Variants in PDCD6IP observed in about 807,000 individuals in gnomAD.
PDCD6IP encodes the protein programmed cell death 6-interacting protein.
PDCD6IP carries 43 observed loss-of-function variants against 103.7 expected under a neutral mutation model. The observed-to-expected ratio is 0.41, with a 90% CI of 0.32 to 0.53. The LOEUF (loss-of-function observed/expected upper bound fraction) is 0.53, where lower values mean the gene tolerates loss of function less well. Ranked by LOEUF, PDCD6IP falls within the 20% of genes least tolerant of loss-of-function variation. The pLI, the probability that PDCD6IP is intolerant of heterozygous loss-of-function variation, is 0.16. For synonymous variants in PDCD6IP, 354 were observed against 378.7 expected (o/e 0.93, Z 0.76); for missense variants, 871 against 1,036.7 (o/e 0.84, Z 2.20).
chr3:33,849,357 T>G (rs986859283), intron 12 of PDCD6IP, among the ~76,000 whole-genome samples: 1 of 152,254 alleles, frequency 6.6e-6, no homozygotes, highest in African/African-American at 2.4e-5. Context: ...TAGTCTTAGA[T>G]GTCACCTCTT....
In PDCD6IP at chr3:33,855,198, G is replaced by A; in HGVS notation, c.2058G>A (p.Arg686=). Residue 686 remains arginine (R), a synonymous_variant, in exon 15 of 18, where the codon AGG becomes AGA. Coordinates refer to ENST00000307296, the MANE Select transcript of PDCD6IP (RefSeq NM_013374.6). ...ATGAGTTGACTGAAATCCTGGTCAG[G>A]TTCCAGAACAAATGCAGTGATATAG... ...FYNELTEILV[R]FQNKCSDIVF... 6.2e-7 allele frequency: 1 copy of A among 1,611,024 alleles called. No homozygotes were observed. The highest frequency in any genetic ancestry group is 8.5e-7 in the Non-Finnish European group (1 of 1,177,370).
intron 12 of PDCD6IP, among the ~76,000 whole-genome samples, chr3:33,848,039 G>C (rs955329531): frequency 6.6e-6 from 1 of 151,924 alleles, no homozygotes; most frequent in Admixed American, 6.6e-5. Context: ...GTTTAAAACT[G>C]TGTGCCCTCC....
intron 3 of PDCD6IP, among the ~76,000 whole-genome samples, chr3:33,819,214 A>G (rs952014437): frequency 2.6e-5 from 4 of 151,708 alleles, no homozygotes; most frequent in African/African-American, 9.7e-5. Flanking sequence ...TTGAAAAAAA[A>G]TTTTTTTTCC....
At chr3:33,837,976 A>C (rs1222986501) in intron 8 of PDCD6IP, among the ~76,000 whole-genome samples, 2 of 152,200 alleles carry the variant, frequency 1.3e-5, no homozygotes, top group Non-Finnish European at 2.9e-5. Flanking sequence ...AAGAAAATTA[A>C]GTTCAAAGAA....
chr3:33,833,416 C>T (rs1697282642), intron 7 of PDCD6IP, among the ~76,000 whole-genome samples: 1 of 152,034 alleles, frequency 6.6e-6, no homozygotes, highest in African/African-American at 2.4e-5. Flanking sequence ...TTGTTTTCTT[C>T]ACTTTTTCTT....
intron 5 of PDCD6IP, among the ~76,000 whole-genome samples, chr3:33,825,562 T>C (rs1189289944): frequency 3.9e-5 from 6 of 152,226 alleles, no homozygotes; most frequent in African/African-American, 1.4e-4. Flanking sequence ...CTTTAGTAAT[T>C]GTCTTTAAAC....
intron 1 of PDCD6IP, among the ~76,000 whole-genome samples, chr3:33,805,561 G>A (rs573899721): frequency 2.0e-5 from 3 of 151,330 alleles, no homozygotes; most frequent in African/African-American, 7.3e-5. Context: ...CCTCCCAAGT[G>A]GGTGCATACT....
intron 7 of PDCD6IP, among the ~76,000 whole-genome samples, chr3:33,833,748 G>A (rs1697288877): frequency 6.6e-6 from 1 of 152,080 alleles, no homozygotes; most frequent in African/African-American, 2.4e-5. Context: ...TATACTGCTT[G>A]TTTTCAGTTT....
chr3:33,842,724 T>TA (rs1227402723), intron 10 of PDCD6IP, among the ~76,000 whole-genome samples: 1 of 152,228 alleles, frequency 6.6e-6, no homozygotes, highest in Non-Finnish European at 1.5e-5. Context: ...CCCTGAAAGT[T>TA]AAAATCTTAT....
intron 3 of PDCD6IP, among the ~76,000 whole-genome samples, chr3:33,814,252 C>T (rs1696782411): frequency 6.7e-6 from 1 of 150,314 alleles, no homozygotes; most frequent in Non-Finnish European, 1.5e-5. Flanking sequence ...TCAAGTGATT[C>T]TCCTATTCTT....
At position 33,815,859 on chromosome 3, in the gene PDCD6IP, G is replaced by A. The variant is rs189444085; in HGVS notation, c.334+2231G>A. On this transcript the variant is annotated intron_variant, in intron 3 of 17. Coordinates refer to ENST00000307296, the MANE Select transcript of PDCD6IP (RefSeq NM_013374.6). ...GCTCAGAAGAGAAAGATATACATTCGGGAACAATTATTAGGTGATAATAAA... is the reference window on the plus strand; with the variant it reads ...GCTCAGAAGAGAAAGATATACATTCAGGAACAATTATTAGGTGATAATAAA... 3.6e-4 allele frequency among the ~76,000 whole-genome samples: 55 copies of A among 152,186 alleles called. 1 individual carries two copies. The highest frequency in any genetic ancestry group is 3.4e-3 in the Middle Eastern group (1 of 292).
chr3:33,858,808 TCAAAAA>T lies in PDCD6IP; in HGVS notation c.2120+3560_2120+3565del, dbSNP rs1201335438. Reference sequence around the variant, plus strand: ...CTGGGCAACAGAGTGAGACTCTGTCTCAAAAACAAAAACAAAACAAAACAAAAGAAA... The same window carrying T: ...CTGGGCAACAGAGTGAGACTCTGTCTCAAAAACAAAACAAAACAAAAGAAA... On this transcript the variant is annotated intron_variant, in intron 15 of 17. Transcript: ENST00000307296. Among the ~76,000 whole-genome samples the T allele has an allele frequency of 4.6e-5, 7 of 152,244 alleles. No homozygotes were observed. In the East Asian group the frequency reaches 1.4e-3, roughly 29 times the overall value.
In PDCD6IP at chr3:33,805,974, T is replaced by TGTCTC. The variant is rs1280407728; in HGVS notation, c.210-6097_210-6096insTCTCG. Among the ~76,000 whole-genome samples the TGTCTC allele has an allele frequency of 5.9e-5, 9 of 151,784 alleles. No individual in the cohort carries two copies. In the East Asian group the frequency reaches 1.8e-3, roughly 30 times the overall value. The stretch of plus-strand genomic sequence containing the variant: ...GTTAGCCAGGATGGTGTCGATCTCC[T>TGTCTC]GACCTTGTGATCCGCCTGTCTCGAC... On this transcript the variant is annotated intron_variant, in intron 1 of 17. Transcript: ENST00000307296.
At chr3:33,811,942 C>CT (rs34438974) in intron 1 of PDCD6IP, 130 bp from the exon 2 acceptor site, 47 of 1,286,628 alleles carry the variant, frequency 3.7e-5, no homozygotes, top group Non-Finnish European at 4.5e-5. Flanking sequence ...TATTAAAAAA[C>CT]TTTTTTTCAT....
intron 1 of PDCD6IP, among the ~76,000 whole-genome samples, chr3:33,800,912 C>T (rs995289859): frequency 6.6e-6 from 1 of 152,164 alleles, no homozygotes; most frequent in Non-Finnish European, 1.5e-5. Flanking sequence ...CTCCTGTCAA[C>T]TTTAAAACTT....
Position 33,834,594 on chromosome 3 carries a change from G to A in PDCD6IP, c.835-1450G>A, listed in dbSNP as rs557709002. The stretch of plus-strand genomic sequence containing the variant: ...TAAGGAACTATAATTTCTATTTTAC[G>A]AAGATTTTAAAAAATCAAGAATATT... On this transcript the variant is annotated intron_variant, in intron 7 of 17. Coordinates refer to ENST00000307296, the MANE Select transcript of PDCD6IP (RefSeq NM_013374.6). Among the ~76,000 whole-genome samples the A allele has an allele frequency of 1.3e-3, 200 of 152,146 alleles. 1 individual carries two copies. The highest frequency in any genetic ancestry group is 3.3e-3 in the Admixed American group (51 of 15,278).
chr3:33,841,835 A>T (rs1697481957), intron 9 of PDCD6IP, 62 bp from the exon 10 acceptor site: 2 of 1,031,710 alleles, frequency 1.9e-6, no homozygotes, highest in African/African-American at 3.2e-5. Flanking sequence ...AAATAAAGTA[A>T]GTATTGATGA....
intron 1 of PDCD6IP, among the ~76,000 whole-genome samples, chr3:33,803,088 G>A (rs1344558195): frequency 3.9e-5 from 6 of 152,006 alleles, no homozygotes; most frequent in East Asian, 1.9e-4. Context: ...GTCATTTCCC[G>A]TTCTTTTTGT....
At chr3:33,835,072 A>G (rs1392537446) in intron 7 of PDCD6IP, among the ~76,000 whole-genome samples, 1 of 152,216 alleles carries the variant, frequency 6.6e-6, no homozygotes, top group East Asian at 1.9e-4. Context: ...AAATATTAAA[A>G]GATTATGTAT....
Sources: gnomAD v4.1 joint callset for allele counts (sites outside exome capture counted in the v4.1 genomes callset) on GRCh38, gnomAD v4.1.1 for gene constraint, MANE v1.5 for transcripts, NCBI Gene and HGNC (gene_info 2026-07-23, HGNC 2026-07-21) for gene names.